EGFR: variants seen among roughly 807,000 people sequenced by gnomAD.
EGFR encodes avian erythroblastic leukemia viral (v-erb-b) oncogene homolog.
Under a neutral mutation model 143.0 loss-of-function variants are expected in EGFR, and 58 were observed. The ratio of observed to expected loss-of-function variants is 0.41; its 90% CI spans 0.33 to 0.50. The LOEUF is 0.50. EGFR is among the 20% of genes least tolerant of loss of function. The probability of loss-of-function intolerance (pLI) is 0.39; values close to 1 mark genes in which losing one functional copy is unlikely to be tolerated. For missense variants in EGFR, 1,307 were observed against 1,579.0 expected, an observed-to-expected ratio of 0.83 and a Z score of 2.92; for synonymous variants, 613 against 594.4, an observed-to-expected ratio of 1.03 and a Z score of -0.45.
chr7:55,123,085 A>G (rs1412838162), intron 1 of EGFR, among the ~76,000 whole-genome samples: 2 of 152,268 alleles, frequency 1.3e-5, no homozygotes, highest in African/African-American at 4.8e-5. Context: ...CAACAAGACT[A>G]GGTCAGGAAT....
rs139291580 is a variant in EGFR, at chr7:55,055,874, G to A, written c.88+36509G>A. ...CCTGCTTGAGGTCAGTTCCTTGAGC[G>A]TCTTCCACTTGCCATGTTCACCACA... On this transcript the variant is annotated intron_variant, in intron 1 of 27. Coordinates refer to ENST00000275493, the MANE Select transcript of EGFR (RefSeq NM_005228.5). Among the ~76,000 whole-genome samples, 375 of 152,104 alleles carry A rather than the reference G, an allele frequency of 2.5e-3. 1 individual carries two copies. Among genetic ancestry groups the A allele is most frequent in the Non-Finnish European group, 3.8e-3 (261 of 68,006 alleles).
chr7:55,149,432 T>C (rs1794923145), intron 4 of EGFR, among the ~76,000 whole-genome samples: 2 of 152,140 alleles, frequency 1.3e-5, no homozygotes, highest in Admixed American at 6.6e-5. Context: ...TAAAATGTTA[T>C]TTCTAATGTA....
intron 21 of EGFR, among the ~76,000 whole-genome samples, chr7:55,192,236 G>A (rs1050230003): frequency 6.6e-6 from 1 of 152,192 alleles, no homozygotes; most frequent in African/African-American, 2.4e-5. Flanking sequence ...CTAAGGAACA[G>A]GAAAGGCCCC....
rs41486949 is a variant in EGFR at position 55,206,687 on chromosome 7, T to C, written c.*1070T>C. Reference sequence around the variant, plus strand: ...CCCCAAAATTAGTTTGTGTTACTTATGGAAGATAGTTTTCTCCTTTTACTT... The same window carrying C: ...CCCCAAAATTAGTTTGTGTTACTTACGGAAGATAGTTTTCTCCTTTTACTT... On this transcript the variant is annotated 3_prime_UTR_variant, in exon 28 of 28. Transcript: ENST00000275493. 4.9e-3 allele frequency: 1,141 copies of C among 233,314 alleles called. 13 individuals are homozygous for C. Among genetic ancestry groups the C allele is most frequent in the African/African-American group, 0.024 (1,081 of 45,464 alleles). The allele number at this position is 233,314 out of a possible 1,614,324, so 14.5% of individuals were successfully genotyped here.
At chr7:55,080,951 C>T (rs147749466) in intron 1 of EGFR, among the ~76,000 whole-genome samples, 7 of 152,162 alleles carry the variant, frequency 4.6e-5, no homozygotes, top group South Asian at 4.2e-4. Flanking sequence ...TTTATCAGGA[C>T]GTATGGGTGC....
intron 27 of EGFR, chr7:55,202,857 T>C (rs1204353201): frequency 1.5e-6 from 1 of 671,326 alleles, no homozygotes; most frequent in Non-Finnish European, 2.7e-6. Flanking sequence ...TAAGAATGAA[T>C]CTGCAAAATT....
intron 19 of EGFR, 61 bp from the exon 20 acceptor site, chr7:55,181,232 A>G: frequency 6.3e-7 from 1 of 1,587,610 alleles, no homozygotes; most frequent in Non-Finnish European, 8.6e-7. Flanking sequence ...GAAGGGGTCC[A>G]TGTGCCCCTC....
chr7:55,093,498 C>T (rs1791256950), intron 1 of EGFR, among the ~76,000 whole-genome samples: 1 of 152,316 alleles, frequency 6.6e-6, no homozygotes, highest in African/African-American at 2.4e-5. Flanking sequence ...ACCGCTCGCC[C>T]CGCGTCTCAG....
chr7:55,096,172 G>C (rs1791458569), intron 1 of EGFR, among the ~76,000 whole-genome samples: 1 of 152,238 alleles, frequency 6.6e-6, no homozygotes, highest in Non-Finnish European at 1.5e-5. Context: ...CAGCACAAAA[G>C]CGTATCCCAG....
At chr7:55,108,888 A>G (rs1792295487) in intron 1 of EGFR, among the ~76,000 whole-genome samples, 3 of 152,198 alleles carry the variant, frequency 2.0e-5, no homozygotes, top group Admixed American at 6.5e-5. Context: ...ACAAACATGA[A>G]CTAAGCACCT....
chr7:55,183,824 G>T (rs1787004269), intron 20 of EGFR, among the ~76,000 whole-genome samples: 1 of 152,218 alleles, frequency 6.6e-6, no homozygotes, highest in Non-Finnish European at 1.5e-5. Context: ...ACCCGGCCCT[G>T]CATGTGGGAG....
In EGFR at chr7:55,068,915, G is replaced by T. The variant is rs76276469; in HGVS notation, c.88+49550G>T. ...TGAGTGGTGGGCAGAGCAGTTGGAG[G>T]GCACAGGGAAAAGGCATCTGGTCAT... is the stretch of plus-strand genomic sequence containing the variant. On this transcript the variant is annotated intron_variant, in intron 1 of 27. Coordinates refer to ENST00000275493, the MANE Select transcript of EGFR (RefSeq NM_005228.5). 4.7e-3 allele frequency among the ~76,000 whole-genome samples: 713 copies of T among 152,288 alleles called. 4 individuals are homozygous for T. Among genetic ancestry groups the T allele is most frequent in the African/African-American group, 0.017 (687 of 41,560 alleles).
intron 1 of EGFR, chr7:55,109,759 T>G: frequency 1.0e-6 from 1 of 985,420 alleles, no homozygotes; most frequent in Non-Finnish European, 1.2e-6. Flanking sequence ...TTTATTTCCA[T>G]GACAAAAGGG....
chr7:55,087,472 T>C (rs1362359076), intron 1 of EGFR, among the ~76,000 whole-genome samples: 1 of 152,170 alleles, frequency 6.6e-6, no homozygotes. Flanking sequence ...GGCAGTCTTA[T>C]TCTATGCACC....
At chr7:55,109,565 G>A (rs995893575) in intron 1 of EGFR, among the ~76,000 whole-genome samples, 1 of 152,246 alleles carries the variant, frequency 6.6e-6, no homozygotes, top group African/African-American at 2.4e-5. Context: ...AGACAAGACA[G>A]GTTCTGAAGC....
chr7:55,056,265 G>A (rs548239822), intron 1 of EGFR, among the ~76,000 whole-genome samples: 8 of 152,156 alleles, frequency 5.3e-5, no homozygotes, highest in African/African-American at 1.4e-4. Flanking sequence ...GTGAAGGCCC[G>A]CATCTGGAAC....
At chr7:55,182,819 G>T (rs529704853) in intron 20 of EGFR, among the ~76,000 whole-genome samples, 117 of 152,310 alleles carry the variant, frequency 7.7e-4, no homozygotes, top group African/African-American at 2.7e-3. Flanking sequence ...CCGGGCCACA[G>T]AGTAGAACAC....
At position 55,146,716 on chromosome 7, in the gene EGFR, G is replaced by A. The variant is rs2128929611; in HGVS notation, c.535G>A (p.Asp179Asn). ...SSDFLSNMSM[D>N]FQNHLGSCQK... The stretch of plus-strand genomic sequence containing the variant: ...TGACTTTCTCAGCAACATGTCGATG[G>A]ACTTCCAGAACCACCTGGGCAGCTG... The change falls in exon 4 of 28, where the codon GAC (aspartate) becomes AAC (asparagine). Residue 179 changes from aspartate (D) to asparagine (N), a missense_variant. Physicochemically the swap from Asp to Asn is conservative, Grantham distance 23. Around this residue, in one of 7 missense-constraint regions of EGFR, gnomAD observed 311 missense variants for 412.3 expected, o/e 0.75. Coordinates refer to ENST00000275493, the MANE Select transcript of EGFR (RefSeq NM_005228.5). The A allele has an allele frequency of 2.5e-6, 4 of 1,614,150 alleles. No homozygotes were observed. Among genetic ancestry groups the A allele is most frequent in the African/African-American group, 2.7e-5 (2 of 75,028 alleles).
At chr7:55,202,446 G>C (rs1032170306) in intron 26 of EGFR, 71 bp from the exon 27 acceptor site, 1 of 1,285,124 alleles carries the variant, frequency 7.8e-7, no homozygotes, top group Non-Finnish European at 1.1e-6. Flanking sequence ...AGGAGATCTC[G>C]GGTGATTTTT....
Sources: allele counts gnomAD v4.1 joint callset (sites outside exome capture counted in the v4.1 genomes callset), GRCh38; gene constraint gnomAD v4.1.1; regional missense constraint gnomAD v4.1.1; transcripts MANE v1.5; gene names NCBI Gene and HGNC (gene_info 2026-07-23, HGNC 2026-07-21).